Variants in CDH2 observed in about 807,000 individuals in gnomAD.
CDH2 encodes cadherin-2.
A neutral mutation model predicts 92.0 loss-of-function variants in CDH2; 17 were observed. The ratio of observed to expected loss-of-function variants is 0.18; its 90% CI spans 0.13 to 0.28. The LOEUF (loss-of-function observed/expected upper bound fraction) is 0.28, where lower values mean the gene tolerates loss of function less well. CDH2 is among the 10% of genes least tolerant of loss of function. The pLI is 1.00. For missense variants in CDH2, 862 were observed against 1,133.1 expected (o/e 0.76, Z 3.44); for synonymous variants, 419 against 415.9 (o/e 1.01, Z -0.09).
At chr18:28,004,620 G>T (rs966700594) in intron 6 of CDH2, among the ~76,000 whole-genome samples, 3 of 152,088 alleles carry the variant, frequency 2.0e-5, no homozygotes, top group Non-Finnish European at 2.9e-5. Flanking sequence ...AGAAAAAAAA[G>T]AAAATAATAT....
intron 2 of CDH2, among the ~76,000 whole-genome samples, chr18:28,145,269 G>T (rs1403183241): frequency 6.6e-6 from 1 of 151,994 alleles, no homozygotes; most frequent in Non-Finnish European, 1.5e-5. Context: ...ATTCCAACAG[G>T]GTCTTGGACT....
chr18:27,942,333 A>G (rs1326859321), intron 6 of CDH2, among the ~76,000 whole-genome samples: 3 of 152,248 alleles, frequency 2.0e-5, no homozygotes, highest in Non-Finnish European at 2.9e-5. Flanking sequence ...AGGTAGGTAG[A>G]TAAACATGAA....
chr18:28,096,288 C>T (rs372453142), intron 2 of CDH2, among the ~76,000 whole-genome samples: 4 of 151,928 alleles, frequency 2.6e-5, no homozygotes, highest in African/African-American at 7.3e-5. Context: ...CAATTTTACA[C>T]AAGTCAAAAT....
At chr18:27,949,528 G>A (rs1462758052), downstream of CDH2, among the ~76,000 whole-genome samples, 2 of 151,804 alleles carry the variant, frequency 1.3e-5, no homozygotes, top group African/African-American at 4.8e-5. Flanking sequence ...AAAAGAGGTA[G>A]GTGTACATAT....
At chr18:28,062,663 C>CTA (rs1368448622) in intron 2 of CDH2, among the ~76,000 whole-genome samples, 3 of 152,034 alleles carry the variant, frequency 2.0e-5, no homozygotes, top group Non-Finnish European at 4.4e-5. Context: ...ATGGAATGAA[C>CTA]TATCACCAGT....
At chr18:28,072,384 C>T (rs2144170354) in intron 2 of CDH2, among the ~76,000 whole-genome samples, 1 of 152,162 alleles carries the variant, frequency 6.6e-6, no homozygotes, top group East Asian at 1.9e-4. Flanking sequence ...GTGGCTCTGT[C>T]TTTCCTCTTC....
chr18:28,158,120 A>C (rs2016250412), intron 1 of CDH2, among the ~76,000 whole-genome samples: 1 of 152,196 alleles, frequency 6.6e-6, no homozygotes, highest in Non-Finnish European at 1.5e-5. Context: ...ATTTAATTTG[A>C]GTAGCTGGCC....
chr18:27,993,444 CCTT>C (rs2143978819), intron 8 of CDH2, 53 bp downstream of exon 8: 1 of 1,557,768 alleles, frequency 6.4e-7, no homozygotes, highest in East Asian at 2.3e-5. Flanking sequence ...TCATGACCAA[CCTT>C]CTCAGTAACG....
At position 28,066,653 on chromosome 18, in the gene CDH2, G is replaced by A. The variant is rs894765836; in HGVS notation, c.173-52744C>T. 2.0e-5 allele frequency among the ~76,000 whole-genome samples: 3 copies of A among 151,916 alleles called. No individual in the cohort carries two copies. The South Asian group carries it at 6.2e-4, about 32-fold the overall frequency. On this transcript the variant is annotated intron_variant, in intron 2 of 15. Transcript: ENST00000269141. ...GCTACAACTCTACTGTTGGAATAAT[G>A]ATTTCTATTATAGTCAAGCTGAATC...
At chr18:28,031,509 C>T (rs1428998349) in intron 2 of CDH2, among the ~76,000 whole-genome samples, 1 of 152,086 alleles carries the variant, frequency 6.6e-6, no homozygotes, top group African/African-American at 2.4e-5. Context: ...GAACAAAATC[C>T]TTAACAAAGC....
At chr18:28,090,485 G>A (rs2015016970) in intron 2 of CDH2, among the ~76,000 whole-genome samples, 1 of 152,118 alleles carries the variant, frequency 6.6e-6, no homozygotes, top group South Asian at 2.1e-4. Flanking sequence ...TGGCTAGCGA[G>A]AACACTGAGG....
intron 2 of CDH2, among the ~76,000 whole-genome samples, chr18:28,026,642 T>C (rs1258834330): frequency 6.6e-6 from 1 of 152,164 alleles, no homozygotes; most frequent in Non-Finnish European, 1.5e-5. Context: ...GGGCAAATGC[T>C]GTCCAACAGA....
chr18:28,022,499 C>T (rs2013438470), intron 2 of CDH2, among the ~76,000 whole-genome samples: 1 of 151,958 alleles, frequency 6.6e-6, no homozygotes, highest in Admixed American at 6.6e-5. Context: ...TTCTTAATTA[C>T]TATCAACGAA....
chr18:28,013,983 C>T (rs917579390), intron 2 of CDH2, 74 bp from the exon 3 acceptor site: 3 of 965,298 alleles, frequency 3.1e-6, no homozygotes, highest in Non-Finnish European at 4.7e-6. Flanking sequence ...AATACTTAAA[C>T]CTATATCCTG....
At position 28,044,850 on chromosome 18, in the gene CDH2, C is replaced by CGTGTGTGTGTGTGTGT. The variant is rs68093312; in HGVS notation, c.173-30957_173-30942dup. 3.7e-3 allele frequency among the ~76,000 whole-genome samples: 549 copies of CGTGTGTGTGTGTGTGT among 148,500 alleles called. 4 individuals carry two copies. Among genetic ancestry groups the CGTGTGTGTGTGTGTGT allele is most frequent in the Non-Finnish European group, 6.7e-3 (448 of 66,968 alleles). On this transcript the variant is annotated intron_variant, in intron 2 of 15. Coordinates refer to ENST00000269141, the MANE Select transcript of CDH2 (RefSeq NM_001792.5). Reference sequence around the variant, plus strand: ...ATTTTAAAAAGATAATATATAACATCGTGTGTGTGTGTGTGTGTGTGTGTG... The same window carrying CGTGTGTGTGTGTGTGT: ...ATTTTAAAAAGATAATATATAACATCGTGTGTGTGTGTGTGTGTGTGTGTGTGTGTGTGTGTGTGTG...
At chr18:28,125,681 G>C (rs2015665481) in intron 2 of CDH2, among the ~76,000 whole-genome samples, 1 of 152,066 alleles carries the variant, frequency 6.6e-6, no homozygotes, top group Non-Finnish European at 1.5e-5. Flanking sequence ...TTTACTATGT[G>C]CTGAGCTTGT....
At chr18:27,972,277 G>A (rs1280553804) in intron 14 of CDH2, among the ~76,000 whole-genome samples, 4 of 152,090 alleles carry the variant, frequency 2.6e-5, no homozygotes, top group African/African-American at 9.7e-5. Flanking sequence ...GTCTTCTAAA[G>A]TCATATTACC....
chr18:28,124,273 T>C (rs995990005), intron 2 of CDH2, among the ~76,000 whole-genome samples: 1 of 152,146 alleles, frequency 6.6e-6, no homozygotes, highest in African/African-American at 2.4e-5. Context: ...TGGAAGGACA[T>C]TATTTTCTTT....
At chr18:28,163,408 G>A (rs2016334593) in intron 1 of CDH2, among the ~76,000 whole-genome samples, 1 of 152,236 alleles carries the variant, frequency 6.6e-6, no homozygotes. Flanking sequence ...GAGTCTGCCA[G>A]ACAGGCAAAT....
Sources: gnomAD v4.1 joint callset for allele counts (sites outside exome capture counted in the v4.1 genomes callset) on GRCh38, gnomAD v4.1.1 for gene constraint, MANE v1.5 for transcripts, NCBI Gene and HGNC (gene_info 2026-07-23, HGNC 2026-07-21) for gene names.